The following CLSPN variants were observed in gnomAD, a reference collection of about 807,000 sequenced individuals.
The protein encoded by CLSPN is claspin, also known as claspin homolog.
A neutral mutation model predicts 156.3 loss-of-function variants in CLSPN; 85 were observed. That is an observed-to-expected ratio of 0.54 (90% CI 0.46 to 0.65). The LOEUF is 0.65. CLSPN is among the 30% of genes least tolerant of loss of function. The pLI, the probability that CLSPN is intolerant of heterozygous loss-of-function variation, is 0.00. For synonymous variants in CLSPN, 534 were observed against 542.4 expected (o/e 0.98, Z 0.22); for missense variants, 1,407 against 1,554.9 (o/e 0.90, Z 1.60).
downstream of CLSPN, among the ~76,000 whole-genome samples, chr1:35,728,442 A>G (rs1641242952): frequency 6.6e-6 from 1 of 152,134 alleles, no homozygotes; most frequent in South Asian, 2.1e-4. Flanking sequence ...CATTGCCCAA[A>G]AGAAAACTGG....
chr1:35,766,071 T>G (rs947757308), intron 1 of CLSPN, among the ~76,000 whole-genome samples: 1 of 147,298 alleles, frequency 6.8e-6, no homozygotes, highest in African/African-American at 2.5e-5. Flanking sequence ...CTCGGCTCAC[T>G]GCAACCTCTG....
rs922135016 is a variant in CLSPN, at chr1:35,732,785, G to A, written c.*3711C>T. 3 of 985,148 alleles carry A rather than the reference G, an allele frequency of 3.0e-6. No homozygotes were observed. The highest frequency in any genetic ancestry group is 1.2e-4 in the Admixed American group (2 of 16,240). 61.0% of individuals were successfully genotyped at this position (985,148 alleles called of 1,614,324 possible). A position where few individuals can be genotyped will look rare whatever the true frequency, so the allele number is the denominator to read the frequency against. On this transcript the variant is annotated 3_prime_UTR_variant, in exon 25 of 25. Coordinates refer to ENST00000318121, the MANE Select transcript of CLSPN (RefSeq NM_022111.4). ...ACTGATGCTGCTGGCTCAGTGCTTT[G>A]GGCAAAGGGCATATGGGTCAGATTG...
intron 7 of CLSPN, 52 bp downstream of exon 7, chr1:35,761,044 G>T: frequency 6.9e-7 from 1 of 1,457,374 alleles, no homozygotes; most frequent in Non-Finnish European, 9.6e-7. Flanking sequence ...CCAGATGTTT[G>T]CTACAAAACT....
At chr1:35,767,084 A>G (rs1307169581) in intron 1 of CLSPN, among the ~76,000 whole-genome samples, 2 of 152,204 alleles carry the variant, frequency 1.3e-5, no homozygotes, top group African/African-American at 4.8e-5. Flanking sequence ...TGCTTTATAT[A>G]TGTATGTATA....
intron 24 of CLSPN, among the ~76,000 whole-genome samples, chr1:35,723,256 C>A (rs1205293622): frequency 1.3e-5 from 2 of 152,204 alleles, no homozygotes. Context: ...GACACAGAAA[C>A]CTCCAGAGAT....
chr1:35,746,623 T>G lies in CLSPN; in HGVS notation c.2854+143A>C. ...ATGTTGCCCAGGCTGGTCTCAAACT[T>G]CTGAGCTCAAGCGATCCATCCAACT... On this transcript the variant is annotated intron_variant, in intron 15 of 24. Transcript: ENST00000318121. The surrounding 1 kb of genome is among the most constrained non-coding windows in gnomAD (Gnocchi z 4.2). 1 of 621,536 alleles carries G rather than the reference T, an allele frequency of 1.6e-6. No homozygotes were observed. The highest frequency in any genetic ancestry group is 2.8e-5 in the Admixed American group (1 of 35,430). The allele number at this position is 621,536 out of a possible 1,614,324, so 38.5% of individuals were successfully genotyped here.
chr1:35,737,989 C>A lies in CLSPN; in HGVS notation c.3664+3G>T. The A allele has an allele frequency of 6.9e-7, 1 of 1,450,934 alleles. No homozygotes were observed. Among genetic ancestry groups the A allele is most frequent in the Non-Finnish European group, 9.2e-7 (1 of 1,083,582 alleles). 89.9% of individuals were successfully genotyped at this position (1,450,934 alleles called of 1,614,324 possible). A position where few individuals can be genotyped will look rare whatever the true frequency, so the allele number is the denominator to read the frequency against. On this transcript the variant is annotated splice_donor_region_variant and intron_variant, in intron 22 of 24. Transcript: ENST00000318121. ...TAGACCCTAAGGAGAAACAAGAGCT[C>A]ACCATTCTTCTGCAGTGCTTTGGCT... is the stretch of plus-strand genomic sequence containing the variant.
At chr1:35,725,516 C>G (rs1295241541) in intron 24 of CLSPN, among the ~76,000 whole-genome samples, 2 of 152,010 alleles carry the variant, frequency 1.3e-5, no homozygotes, top group Non-Finnish European at 2.9e-5. Context: ...TCCCCATGCC[C>G]TCTCCCCCAC....
At position 35,739,372 on chromosome 1, in the gene CLSPN, T is replaced by C; in HGVS notation, c.3301A>G (p.Ile1101Val). ...DEELQSQIKK[I>V]HMKTMLDDDK... ...GCTTATTGGGATACTGACATGTGTA[T>C]TTTCTTGATTTGACTCTGCAGTTCC... The change falls in exon 19 of 25, where the codon ATA (isoleucine) becomes GTA (valine). Residue 1101 changes from isoleucine (I) to valine (V), a missense_variant. Ile to Val is a conservative substitution (Grantham distance 29, BLOSUM62 3). Around this residue, in one of 3 missense-constraint regions of CLSPN, gnomAD observed 70 missense variants for 121.5 expected, o/e 0.58. Coordinates refer to ENST00000318121, the MANE Select transcript of CLSPN (RefSeq NM_022111.4). 6.2e-7 allele frequency: 1 copy of C among 1,614,092 alleles called. No individual in the cohort carries two copies. Among genetic ancestry groups the C allele is most frequent in the Non-Finnish European group, 8.5e-7 (1 of 1,179,978 alleles).
chr1:35,733,756 T>C lies in CLSPN; in HGVS notation c.*2740A>G, dbSNP rs560986407. On this transcript the variant is annotated 3_prime_UTR_variant, in exon 25 of 25. Coordinates refer to ENST00000318121, the MANE Select transcript of CLSPN (RefSeq NM_022111.4). ...ATTTTGGGAGGCCAAGGTGGGAGGA[T>C]TACTTGAGGCCAGGAGTTCAAGATC... is the stretch of plus-strand genomic sequence containing the variant. The C allele has an allele frequency of 1.1e-6, 1 of 907,012 alleles. No individual in the cohort carries two copies. Among genetic ancestry groups the C allele is most frequent in the African/African-American group, 1.8e-5 (1 of 55,534 alleles). 56.2% of individuals were successfully genotyped at this position (907,012 alleles called of 1,614,324 possible).
intron 16 of CLSPN, among the ~76,000 whole-genome samples, chr1:35,744,668 A>C (rs1349114873): frequency 6.6e-6 from 1 of 152,080 alleles, no homozygotes; most frequent in African/African-American, 2.4e-5. Flanking sequence ...TTTGCCAATA[A>C]ACATAGGTCG....
chr1:35,732,767 C>T lies in CLSPN; in HGVS notation c.*3729G>A. 3 of 985,348 alleles carry T rather than the reference C, an allele frequency of 3.0e-6. No homozygotes were observed. Among genetic ancestry groups the T allele is most frequent in the South Asian group, 9.4e-5 (2 of 21,284 alleles). The allele number at this position is 985,348 out of a possible 1,614,324, so 61.0% of individuals were successfully genotyped here. ...CAATTTCATTAAAACATAACTGATG[C>T]TGCTGGCTCAGTGCTTTGGGCAAAG... On this transcript the variant is annotated 3_prime_UTR_variant, in exon 25 of 25. Transcript: ENST00000318121.
chr1:35,768,721 C>T (rs1342676208), intron 1 of CLSPN, among the ~76,000 whole-genome samples: 8 of 152,210 alleles, frequency 5.3e-5, no homozygotes, highest in Admixed American at 1.3e-4. Context: ...ACTGATGATC[C>T]TCTCAACAAT....
intron 24 of CLSPN, among the ~76,000 whole-genome samples, chr1:35,724,652 C>A (rs1030118502): frequency 2.0e-5 from 3 of 152,162 alleles, no homozygotes; most frequent in African/African-American, 7.2e-5. Context: ...CCTTTTTGGG[C>A]TAAATAAAAT....
intron 1 of CLSPN, among the ~76,000 whole-genome samples, chr1:35,766,441 T>C (rs11264201): frequency 0.097 from 14,737 of 152,186 alleles, 1,120 homozygotes; most frequent in African/African-American, 0.22. Flanking sequence ...CTATATGCTA[T>C]GTGTATATTT....
In CLSPN at chr1:35,732,792, G is replaced by A. The variant is rs1641349314; in HGVS notation, c.*3704C>T. 2.0e-6 allele frequency: 2 copies of A among 985,322 alleles called. No homozygotes were observed. Among genetic ancestry groups the A allele is most frequent in the Non-Finnish European group, 2.4e-6 (2 of 829,924 alleles). 61.0% of individuals were successfully genotyped at this position (985,322 alleles called of 1,614,324 possible). ...CTGCTGGCTCAGTGCTTTGGGCAAA[G>A]GGCATATGGGTCAGATTGAAACTGT... On this transcript the variant is annotated 3_prime_UTR_variant, in exon 25 of 25. Transcript: ENST00000318121.
Position 35,735,220 on chromosome 1 carries a change from C to T in CLSPN, c.*1276G>A, listed in dbSNP as rs6660890. On this transcript the variant is annotated 3_prime_UTR_variant, in exon 25 of 25. Coordinates refer to ENST00000318121, the MANE Select transcript of CLSPN (RefSeq NM_022111.4). ...TGGTGGACAAACACTGGGTGTAACACTTTATCTTCATCCCCAAGCCCCAGA... is the reference window on the plus strand; with the variant it reads ...TGGTGGACAAACACTGGGTGTAACATTTTATCTTCATCCCCAAGCCCCAGA... 0.06 allele frequency: 59,139 copies of T among 985,326 alleles called. 2,527 individuals carry two copies. Among genetic ancestry groups the T allele is most frequent in the African/African-American group, 0.22 (12,585 of 57,280 alleles). The allele number at this position is 985,326 out of a possible 1,614,324, so 61.0% of individuals were successfully genotyped here.
At chr1:35,721,079 GT>G in intron 24 of CLSPN, 1 of 785,692 alleles carries the variant, frequency 1.3e-6, no homozygotes, top group East Asian at 2.8e-5. Context: ...TAAACTTATA[GT>G]TTTGTATGCC....
Position 35,734,903 on chromosome 1 carries a change from A to G in CLSPN, c.*1593T>C. 2.0e-6 allele frequency: 2 copies of G among 985,426 alleles called. No individual in the cohort carries two copies. Among genetic ancestry groups the G allele is most frequent in the Non-Finnish European group, 1.2e-6 (1 of 829,928 alleles). The allele number at this position is 985,426 out of a possible 1,614,324, so 61.0% of individuals were successfully genotyped here. A position where few individuals can be genotyped will look rare whatever the true frequency, so the allele number is the denominator to read the frequency against. ...AGCACTGATGCTCAGTTCTGAGGGG[A>G]AAAACATTTGTCTAAAATTCTGAGA... is the stretch of plus-strand genomic sequence containing the variant. On this transcript the variant is annotated 3_prime_UTR_variant, in exon 25 of 25. Coordinates refer to ENST00000318121, the MANE Select transcript of CLSPN (RefSeq NM_022111.4).
Sources: allele counts gnomAD v4.1 joint callset (sites outside exome capture counted in the v4.1 genomes callset), GRCh38; gene constraint gnomAD v4.1.1; regional missense constraint gnomAD v4.1.1; non-coding constraint Gnocchi (gnomAD v3.1); transcripts MANE v1.5; gene names NCBI Gene and HGNC (gene_info 2026-07-23, HGNC 2026-07-21).